SESN1: variants seen among roughly 807,000 people sequenced by gnomAD.
SESN1 encodes the protein sestrin 1.
In SESN1, 30 loss-of-function variants were observed where a neutral mutation model predicts 59.3. The observed-to-expected ratio is 0.51, with a 90% CI of 0.38 to 0.69. The LOEUF is 0.69. Ranked by LOEUF, SESN1 falls within the 30% of genes least tolerant of loss-of-function variation. The probability of loss-of-function intolerance (pLI) is 0.00; values close to 1 mark genes in which losing one functional copy is unlikely to be tolerated. For synonymous variants in SESN1, 197 were observed against 219.9 expected, an observed-to-expected ratio of 0.90 and a Z score of 0.92; for missense variants, 566 against 673.0, an observed-to-expected ratio of 0.84 and a Z score of 1.76.
At chr6:109,002,144 A>G in intron 2 of SESN1, 134 bp downstream of exon 2, 1 of 680,536 alleles carries the variant, frequency 1.5e-6, no homozygotes, top group Non-Finnish European at 2.6e-6. Context: ...TTCACTGCCA[A>G]AGAATGATTA....
intron 2 of SESN1, among the ~76,000 whole-genome samples, chr6:109,001,734 T>G (rs1779630198): frequency 6.6e-6 from 1 of 152,050 alleles, no homozygotes; most frequent in Admixed American, 6.6e-5. Flanking sequence ...GCTTGCAGAG[T>G]TGGCCAGAAT....
At chr6:108,988,173 T>C (rs1318045953) in intron 9 of SESN1, among the ~76,000 whole-genome samples, 1 of 152,240 alleles carries the variant, frequency 6.6e-6, no homozygotes, top group Non-Finnish European at 1.5e-5. Context: ...TCAGAAAATC[T>C]AGACACTGTT....
intron 1 of SESN1, among the ~76,000 whole-genome samples, chr6:109,059,067 A>G (rs1262343404): frequency 6.6e-6 from 1 of 152,104 alleles, no homozygotes; most frequent in Non-Finnish European, 1.5e-5. Flanking sequence ...GTTTTTCAAA[A>G]TTTATGTAAC....
At chr6:109,063,923 T>TA (rs959036713) in intron 1 of SESN1, among the ~76,000 whole-genome samples, 44 of 148,170 alleles carry the variant, frequency 3.0e-4, no homozygotes, top group South Asian at 6.4e-4. Context: ...AAAAAAAAAC[T>TA]AAAAAAAAAA....
chr6:109,077,185 A>G (rs1200102757), intron 1 of SESN1, among the ~76,000 whole-genome samples: 2 of 151,920 alleles, frequency 1.3e-5, no homozygotes, highest in African/African-American at 4.9e-5. Flanking sequence ...TATGTGACAC[A>G]TGACTGTACT....
intron 8 of SESN1, among the ~76,000 whole-genome samples, chr6:108,989,495 C>G (rs1562451612): frequency 7.3e-6 from 1 of 137,680 alleles, no homozygotes; most frequent in Admixed American, 7.1e-5. Flanking sequence ...ATCTCTAGAT[C>G]TAGAGATATC....
intron 1 of SESN1, among the ~76,000 whole-genome samples, chr6:109,024,090 A>G (rs1364935490): frequency 1.3e-5 from 2 of 152,188 alleles, no homozygotes; most frequent in African/African-American, 4.8e-5. Flanking sequence ...TGACTTTTTA[A>G]AAAACAATCT....
intron 1 of SESN1, among the ~76,000 whole-genome samples, chr6:109,038,729 A>G (rs1406577225): frequency 6.6e-6 from 1 of 152,234 alleles, no homozygotes; most frequent in African/African-American, 2.4e-5. Flanking sequence ...AATTTTTAAT[A>G]AGCAAGAATA....
chr6:109,078,522 T>C (rs1459200582), intron 1 of SESN1, among the ~76,000 whole-genome samples: 2 of 152,178 alleles, frequency 1.3e-5, no homozygotes, highest in Non-Finnish European at 2.9e-5. Flanking sequence ...GTACACACTT[T>C]TAAGGTTTGG....
intron 1 of SESN1, among the ~76,000 whole-genome samples, chr6:109,015,641 T>C (rs758292299): frequency 1.3e-5 from 2 of 152,146 alleles, no homozygotes; most frequent in African/African-American, 4.8e-5. Flanking sequence ...TGGGTTTAAT[T>C]TGGAATACTA....
intron 1 of SESN1, among the ~76,000 whole-genome samples, chr6:109,020,571 A>C (rs1333253983): frequency 6.6e-6 from 1 of 152,212 alleles, no homozygotes; most frequent in African/African-American, 2.4e-5. Context: ...AACAAATTGC[A>C]CAGTGCAATT....
intron 1 of SESN1, among the ~76,000 whole-genome samples, chr6:109,027,153 GAGAA>G (rs1780108193): frequency 1.3e-5 from 2 of 151,960 alleles, no homozygotes; most frequent in African/African-American, 2.4e-5. Context: ...CTCAGTGACA[GAGAA>G]AGATTCTGTC....
intron 1 of SESN1, among the ~76,000 whole-genome samples, chr6:109,060,081 TAACA>T (rs1315256310): frequency 2.0e-5 from 3 of 151,456 alleles, no homozygotes; most frequent in South Asian, 2.1e-4. Context: ...TAATAAACAA[TAACA>T]AACAACAAAA....
rs149483308 is a variant in SESN1 at position 109,021,596 on chromosome 6, C to T, written c.280-19253G>A. 8.7e-3 allele frequency among the ~76,000 whole-genome samples: 1,330 copies of T among 152,160 alleles called. 25 individuals carry two copies. Among genetic ancestry groups the T allele is most frequent in the African/African-American group, 0.03 (1,260 of 41,522 alleles). On this transcript the variant is annotated intron_variant, in intron 1 of 9. Coordinates refer to ENST00000436639, the MANE Select transcript of SESN1 (RefSeq NM_014454.3). ...GGGACTACGGATGCCTGCCACCAAG[C>T]CTGGCTAATTTTTTTTTGTATTTTT...
At chr6:109,052,228 G>A (rs1780552803) in intron 1 of SESN1, among the ~76,000 whole-genome samples, 1 of 152,120 alleles carries the variant, frequency 6.6e-6, no homozygotes, top group Non-Finnish European at 1.5e-5. Context: ...CTTTGTAGTT[G>A]CTCAGTAAAT....
chr6:109,090,290 C>T (rs576259367), intron 1 of SESN1, among the ~76,000 whole-genome samples: 2 of 152,240 alleles, frequency 1.3e-5, no homozygotes, highest in Admixed American at 1.3e-4. Context: ...CGTAACATTT[C>T]AGCTGATGAT....
At chr6:109,032,809 G>A (rs1371800701) in intron 1 of SESN1, among the ~76,000 whole-genome samples, 1 of 152,126 alleles carries the variant, frequency 6.6e-6, no homozygotes, top group African/African-American at 2.4e-5. Context: ...GGCTAAGATA[G>A]GAAGATATAC....
At chr6:108,993,384 G>A (rs879941680) in intron 6 of SESN1, among the ~76,000 whole-genome samples, 6 of 152,082 alleles carry the variant, frequency 3.9e-5, no homozygotes, top group Non-Finnish European at 8.8e-5. Context: ...AGACTTTCTG[G>A]ACTATCATCA....
At chr6:108,992,099 GCTTA>G (rs1397991052) in intron 7 of SESN1, among the ~76,000 whole-genome samples, 3 of 151,586 alleles carry the variant, frequency 2.0e-5, no homozygotes, top group African/African-American at 4.8e-5. Context: ...TTGCCCCTTA[GCTTA>G]TTTATTATTT....
Sources: allele counts gnomAD v4.1 joint callset (sites outside exome capture counted in the v4.1 genomes callset), GRCh38; gene constraint gnomAD v4.1.1; transcripts MANE v1.5; gene names NCBI Gene and HGNC (gene_info 2026-07-23, HGNC 2026-07-21).